The following SUPT20H variants were observed in gnomAD, a reference collection of about 807,000 sequenced individuals.
The protein encoded by SUPT20H is SPT20 homolog, SAGA complex component.
SUPT20H carries 82 observed loss-of-function variants against 122.8 expected under a neutral mutation model. That is an observed-to-expected ratio of 0.67 (90% CI 0.56 to 0.80). SUPT20H has a LOEUF of 0.80. Among genes scored for constraint, SUPT20H ranks in the 30% least tolerant of loss-of-function variants. The pLI is 0.00. For synonymous variants in SUPT20H, 291 were observed against 313.0 expected (o/e 0.93, Z 0.74); for missense variants, 831 against 921.6 (o/e 0.90, Z 1.27).
At chr13:37,056,603 C>G (rs1165902745) in intron 1 of SUPT20H, among the ~76,000 whole-genome samples, 1 of 151,568 alleles carries the variant, frequency 6.6e-6, no homozygotes. Context: ...CTTCACACAC[C>G]AGGGCCTGTT....
intron 3 of SUPT20H, among the ~76,000 whole-genome samples, chr13:37,048,321 T>C (rs1389518437): frequency 6.6e-6 from 1 of 152,192 alleles, no homozygotes; most frequent in Non-Finnish European, 1.5e-5. Context: ...AATACAATTT[T>C]AGAAATTCTA....
At chr13:37,010,456 A>G in intron 25 of SUPT20H, 96 bp downstream of exon 25, 1 of 1,121,850 alleles carries the variant, frequency 8.9e-7, no homozygotes, top group Non-Finnish European at 1.3e-6. Flanking sequence ...GTACAGTCTT[A>G]AAAGACAGTA....
At position 37,009,824 on chromosome 13, in the gene SUPT20H, G is replaced by C; in HGVS notation, c.2203-15C>G. On this transcript the variant is annotated splice_polypyrimidine_tract_variant and intron_variant, in intron 25 of 25. Coordinates refer to ENST00000350612, the MANE Select transcript of SUPT20H (RefSeq NM_001014286.3). ...AATCGCAACTGCTGCAAAAGGGAGGGAAAAAAATCGAGTTATGTTAAATGC... is the reference window on the plus strand; with the variant it reads ...AATCGCAACTGCTGCAAAAGGGAGGCAAAAAAATCGAGTTATGTTAAATGC... The C allele has an allele frequency of 6.3e-7, 1 of 1,598,454 alleles. No individual in the cohort carries two copies. Among genetic ancestry groups the C allele is most frequent in the South Asian group, 1.1e-5 (1 of 88,116 alleles).
chr13:37,028,071 G>T, intron 14 of SUPT20H, 77 bp downstream of exon 14: 1 of 1,312,420 alleles, frequency 7.6e-7, no homozygotes. Context: ...TTCATTAATG[G>T]TTCATCAGTA....
At position 37,026,830 on chromosome 13, in the gene SUPT20H, T is replaced by C. The variant is rs374950958; in HGVS notation, c.1152-14A>G. The C allele has an allele frequency of 2.1e-6, 3 of 1,422,896 alleles. No homozygotes were observed. The allele number at this position is 1,422,896 out of a possible 1,614,324, so 88.1% of individuals were successfully genotyped here. ...TCTGTGGACGAGCTGAAATATAAAA[T>C]GTAAAAAAAAGCTTAGTTAATGCAG... On this transcript the variant is annotated splice_polypyrimidine_tract_variant and intron_variant, in intron 14 of 25. Coordinates refer to ENST00000350612, the MANE Select transcript of SUPT20H (RefSeq NM_001014286.3).
chr13:37,026,901 T>A, intron 14 of SUPT20H, 85 bp from the exon 15 acceptor site: 1 of 845,780 alleles, frequency 1.2e-6, no homozygotes, highest in Non-Finnish European at 1.7e-6. Flanking sequence ...ATTTTATGAA[T>A]ATGGAAGAAT....
chr13:37,043,621 T>C (rs1361652210), intron 7 of SUPT20H, among the ~76,000 whole-genome samples: 1 of 152,070 alleles, frequency 6.6e-6, no homozygotes, highest in Non-Finnish European at 1.5e-5. Flanking sequence ...CATTTCCAGA[T>C]AGCTATATAT....
chr13:37,022,340 A>G lies in SUPT20H; in HGVS notation c.1592-260T>C. On this transcript the variant is annotated intron_variant, in intron 19 of 25. Transcript: ENST00000350612. The surrounding 1 kb of genome is among the most constrained non-coding windows in gnomAD (Gnocchi z 4.5). ...ATCCTGCTCATTGAGAAAAATAAAA[A>G]TTGCTAGTTTGTTATAAATGGCCAG... The G allele has an allele frequency of 7.4e-7, 1 of 1,351,898 alleles. No individual in the cohort carries two copies. Among genetic ancestry groups the G allele is most frequent in the Non-Finnish European group, 9.5e-7 (1 of 1,051,690 alleles). The allele number at this position is 1,351,898 out of a possible 1,614,324, so 83.7% of individuals were successfully genotyped here.
At chr13:37,054,243 A>G (rs2068417802) in intron 1 of SUPT20H, among the ~76,000 whole-genome samples, 1 of 152,224 alleles carries the variant, frequency 6.6e-6, no homozygotes, top group Non-Finnish European at 1.5e-5. Flanking sequence ...ATGGAAAAAG[A>G]GGGAATCCTC....
intron 21 of SUPT20H, 23 bp downstream of exon 21, chr13:37,021,420 TAGAGG>T: frequency 6.4e-7 from 1 of 1,562,092 alleles, no homozygotes; most frequent in South Asian, 1.2e-5. Context: ...TAATTTTTTT[TAGAGG>T]TTATTATTTC....
chr13:37,017,260 T>C lies in SUPT20H; in HGVS notation c.1977A>G (p.Gln659=), dbSNP rs1366323413. Residue 659 remains glutamine, a synonymous_variant, in exon 23 of 26, where the codon CAA becomes CAG. Coordinates refer to ENST00000350612, the MANE Select transcript of SUPT20H (RefSeq NM_001014286.3). The part of the protein sequence containing the change: ...QPQQPTTCSP[Q]QPGEQGSEQG... ...AAATCCATACCTGCTCCCCTGGCTGTTGAGGACTACAAGTTGTGGGCTGCT... is the reference window on the plus strand; with the variant it reads ...AAATCCATACCTGCTCCCCTGGCTGCTGAGGACTACAAGTTGTGGGCTGCT... 6.2e-7 allele frequency: 1 copy of C among 1,614,136 alleles called. No homozygotes were observed. Among genetic ancestry groups the C allele is most frequent in the South Asian group, 1.1e-5 (1 of 91,090 alleles).
intron 14 of SUPT20H, among the ~76,000 whole-genome samples, chr13:37,027,131 T>C (rs1002123673): frequency 2.0e-5 from 3 of 152,064 alleles, no homozygotes; most frequent in Non-Finnish European, 4.4e-5. Flanking sequence ...GTAATCAATA[T>C]TGGGTACTAT....
Position 37,033,473 on chromosome 13 carries a change from T to G in SUPT20H, c.683A>C (p.Lys228Thr). 1 of 1,612,078 alleles carries G rather than the reference T, an allele frequency of 6.2e-7. No individual in the cohort carries two copies. The highest frequency in any genetic ancestry group is 1.1e-5 in the South Asian group (1 of 90,546). Residue 228 changes from lysine to threonine, a missense_variant, in exon 10 of 26, where the codon AAG becomes ACG. Transcript: ENST00000350612. ...TANRLLYNKQ[K>T]MNTRPMKRCF... ...CCGTTTCATTGGGCGAGTGTTCATC[T>G]TTTGCTTGTTATAGAGCAGTCTGTT...
In SUPT20H at chr13:37,045,407, A is replaced by C. The variant is rs932770438; in HGVS notation, c.166-34T>G. 4 of 1,610,646 alleles carry C rather than the reference A, an allele frequency of 2.5e-6. No individual in the cohort carries two copies. In the East Asian group the frequency reaches 8.9e-5, roughly 36 times the overall value. ...AAAAGAGGCAGAGCTCATGAAAATA[A>C]TCCAGTATAACCTTAACAAATAATG... is the stretch of plus-strand genomic sequence containing the variant. On this transcript the variant is annotated intron_variant, in intron 5 of 25. Coordinates refer to ENST00000350612, the MANE Select transcript of SUPT20H (RefSeq NM_001014286.3).
chr13:37,048,290 G>T (rs2066906221), intron 3 of SUPT20H, among the ~76,000 whole-genome samples: 2 of 152,060 alleles, frequency 1.3e-5, no homozygotes, highest in African/African-American at 4.8e-5. Context: ...TGAGTAATTA[G>T]AAAACTTGTC....
At chr13:37,010,270 T>G (rs984243090) in intron 25 of SUPT20H, among the ~76,000 whole-genome samples, 5 of 152,320 alleles carry the variant, frequency 3.3e-5, no homozygotes, top group African/African-American at 1.2e-4. Context: ...CAATTGGCAC[T>G]TACAACTGTC....
chr13:37,035,411 T>G (rs945641140), intron 9 of SUPT20H, among the ~76,000 whole-genome samples: 21 of 152,194 alleles, frequency 1.4e-4, no homozygotes, highest in African/African-American at 5.1e-4. Context: ...GATGTGGTGA[T>G]AGCAAGAGAA....
intron 5 of SUPT20H, chr13:37,047,037 C>T (rs1259592455): frequency 2.0e-5 from 3 of 152,530 alleles, no homozygotes; most frequent in Admixed American, 6.5e-5. Flanking sequence ...CTACCCATAT[C>T]TTTATGCCAA....
At chr13:37,026,908 G>T in intron 14 of SUPT20H, 92 bp from the exon 15 acceptor site, 1 of 769,410 alleles carries the variant, frequency 1.3e-6, no homozygotes, top group Non-Finnish European at 1.9e-6. Context: ...GAATATGGAA[G>T]AATGACTGGA....
Sources: allele counts gnomAD v4.1 joint callset (sites outside exome capture counted in the v4.1 genomes callset), GRCh38; gene constraint gnomAD v4.1.1; non-coding constraint Gnocchi (gnomAD v3.1); transcripts MANE v1.5; gene names NCBI Gene and HGNC (gene_info 2026-07-23, HGNC 2026-07-21).